DENND5B: variants seen among roughly 807,000 people sequenced by gnomAD.
The protein encoded by DENND5B is DENN domain-containing protein 5B.
Under a neutral mutation model 140.6 loss-of-function variants are expected in DENND5B, and 34 were observed. The ratio of observed to expected loss-of-function variants is 0.24; its 90% confidence interval spans 0.18 to 0.32. DENND5B has a LOEUF of 0.32. DENND5B is among the 10% of genes least tolerant of loss of function. The pLI, the probability that DENND5B is intolerant of heterozygous loss-of-function variation, is 1.00. For synonymous variants in DENND5B, 551 were observed against 562.1 expected, an observed-to-expected ratio of 0.98 and a Z score of 0.28; for missense variants, 1,142 against 1,560.2, an observed-to-expected ratio of 0.73 and a Z score of 4.52.
At chr12:31,410,769 T>C (rs1942405849) in intron 13 of DENND5B, among the ~76,000 whole-genome samples, 1 of 152,168 alleles carries the variant, frequency 6.6e-6, no homozygotes, top group Admixed American at 6.6e-5. Context: ...TCCGAGGTCA[T>C]TCAAACACTA....
intron 1 of DENND5B, among the ~76,000 whole-genome samples, chr12:31,508,116 A>C (rs564757540): frequency 6.6e-6 from 1 of 152,286 alleles, no homozygotes; most frequent in African/African-American, 2.4e-5. Context: ...AAAGAAAGTA[A>C]CTCAACATTA....
intron 1 of DENND5B, among the ~76,000 whole-genome samples, chr12:31,528,323 C>T (rs1348297133): frequency 2.6e-5 from 4 of 152,238 alleles, no homozygotes; most frequent in African/African-American, 4.8e-5. Flanking sequence ...TCACTTCCTC[C>T]TGCGTGTGTC....
intron 7 of DENND5B, among the ~76,000 whole-genome samples, chr12:31,437,663 C>A (rs116850159): frequency 0.019 from 2,945 of 152,152 alleles, 52 homozygotes; most frequent in South Asian, 0.043. Context: ...AATTGCAGAT[C>A]GTACAACCAA....
chr12:31,582,643 A>G (rs1463708226), intron 1 of DENND5B, among the ~76,000 whole-genome samples: 1 of 152,260 alleles, frequency 6.6e-6, no homozygotes, highest in Non-Finnish European at 1.5e-5. Context: ...TGATGAATGA[A>G]TGAGGAAATG....
In DENND5B at chr12:31,392,352, C is replaced by A; in HGVS notation, c.3381G>T (p.Leu1127=). 1 of 1,613,734 alleles carries A rather than the reference C, an allele frequency of 6.2e-7. No individual in the cohort carries two copies. The highest frequency in any genetic ancestry group is 1.1e-5 in the South Asian group (1 of 91,062). The change falls in exon 19 of 21, where the codon CTG becomes CTT. Residue 1127 remains leucine (L), a synonymous_variant. Coordinates refer to ENST00000389082, the MANE Select transcript of DENND5B (RefSeq NM_144973.4). Reference sequence around the variant, plus strand: ...GGAAAACTTGCTCAAGGGCTGCAACCAGGCCATTTTCTCCACACAGCAACA... The same window carrying A: ...GGAAAACTTGCTCAAGGGCTGCAACAAGGCCATTTTCTCCACACAGCAACA... The part of the protein sequence containing the change: ...LTVLLCGENG[L]VAALEQVFHH...
intron 1 of DENND5B, among the ~76,000 whole-genome samples, chr12:31,519,127 C>G (rs778932104): frequency 6.6e-6 from 1 of 152,162 alleles, no homozygotes; most frequent in Non-Finnish European, 1.5e-5. Context: ...AAAGGAGATA[C>G]GGAAGACAAA....
At chr12:31,514,817 G>A (rs868464080) in intron 1 of DENND5B, among the ~76,000 whole-genome samples, 9 of 119,926 alleles carry the variant, frequency 7.5e-5, no homozygotes, top group South Asian at 5.8e-4. Context: ...GTGAGACTCC[G>A]TCTCAAAAAA....
In DENND5B at chr12:31,436,399, T is replaced by A. The variant is rs2682688; in HGVS notation, c.2013-3151A>T. 4.0e-4 allele frequency among the ~76,000 whole-genome samples: 61 copies of A among 152,110 alleles called. 2 individuals carry two copies. In the East Asian group the frequency reaches 0.01, roughly 26 times the overall value. On this transcript the variant is annotated intron_variant, in intron 7 of 20. Transcript: ENST00000389082. Reference sequence around the variant, plus strand: ...TACAGGCATGAGCTACCGTGCCCAATCCTAAAAATCCTCTTGATGAAGCCA... The same window carrying A: ...TACAGGCATGAGCTACCGTGCCCAAACCTAAAAATCCTCTTGATGAAGCCA...
intron 4 of DENND5B, among the ~76,000 whole-genome samples, chr12:31,457,146 G>C (rs1944812987): frequency 6.6e-6 from 1 of 152,216 alleles, no homozygotes; most frequent in East Asian, 1.9e-4. Context: ...TGCAAAAGCA[G>C]CTCTGTTTCA....
At chr12:31,573,598 C>A (rs984911032) in intron 1 of DENND5B, among the ~76,000 whole-genome samples, 2 of 152,280 alleles carry the variant, frequency 1.3e-5, no homozygotes, top group Non-Finnish European at 1.5e-5. Context: ...AATGTAATTT[C>A]GTTCAATATT....
chr12:31,540,997 C>A (rs1410814795), intron 1 of DENND5B: 3 of 454,726 alleles, frequency 6.6e-6, no homozygotes, highest in Non-Finnish European at 8.8e-6. Flanking sequence ...AACTGGATAT[C>A]TTTACGCAGA....
At chr12:31,418,777 G>A (rs2137643675) in intron 11 of DENND5B, among the ~76,000 whole-genome samples, 1 of 152,100 alleles carries the variant, frequency 6.6e-6, no homozygotes, top group South Asian at 2.1e-4. Context: ...AAGTAATCAT[G>A]CCTCTTAAAC....
At chr12:31,474,509 T>C (rs542473187) in intron 3 of DENND5B, among the ~76,000 whole-genome samples, 1 of 152,324 alleles carries the variant, frequency 6.6e-6, no homozygotes, top group South Asian at 2.1e-4. Flanking sequence ...GACAGTGATA[T>C]ATGCATTTCC....
At position 31,387,713 on chromosome 12, in the gene DENND5B, C is replaced by T. The variant is rs747314854; in HGVS notation, c.3715G>A (p.Ala1239Thr). Residue 1239 changes from alanine to threonine, a missense_variant, in exon 21 of 21, where the codon GCT becomes ACT. By Grantham distance (58) the Ala-to-Thr change is moderately conservative. This residue lies in a region of DENND5B where 125 missense variants were observed against 179.0 expected (regional missense o/e 0.70). Transcript: ENST00000389082. The stretch of plus-strand genomic sequence containing the variant: ...ACAGTCATGCGGTCTCGCAGGAGAG[C>T]GCTCTCTTCATACATTCGAGTGATG... ...PAITRMYEES[A>T]LLRDRMTVNS... is the part of the protein sequence containing the mutation. 6.2e-7 allele frequency: 1 copy of T among 1,614,030 alleles called. No individual in the cohort carries two copies. Among genetic ancestry groups the T allele is most frequent in the Non-Finnish European group, 8.5e-7 (1 of 1,179,902 alleles).
intron 1 of DENND5B, among the ~76,000 whole-genome samples, chr12:31,586,463 A>C (rs1389601437): frequency 2.0e-5 from 3 of 152,264 alleles, no homozygotes; most frequent in Non-Finnish European, 4.4e-5. Flanking sequence ...ACATGTGGAC[A>C]TCACCATAAA....
intron 7 of DENND5B, among the ~76,000 whole-genome samples, chr12:31,436,241 AG>A (rs987471481): frequency 2.0e-5 from 3 of 151,956 alleles, no homozygotes; most frequent in African/African-American, 7.3e-5. Context: ...CTGGGACTAC[AG>A]GTATGTGCCA....
chr12:31,538,330 T>G (rs534339692), intron 1 of DENND5B, among the ~76,000 whole-genome samples: 1 of 152,056 alleles, frequency 6.6e-6, no homozygotes, highest in Non-Finnish European at 1.5e-5. Context: ...CTGACCACAA[T>G]AGAATAAAAC....
chr12:31,512,832 AC>A (rs1947481600), intron 1 of DENND5B, among the ~76,000 whole-genome samples: 1 of 152,056 alleles, frequency 6.6e-6, no homozygotes, highest in South Asian at 2.1e-4. Context: ...TAAAGTTTCC[AC>A]ATACCCTAAA....
In DENND5B at chr12:31,384,549, C is replaced by A. The variant is rs1340281971; in HGVS notation, c.*3054G>T. The A allele has an allele frequency of 1.3e-5, 2 of 152,084 alleles. No individual in the cohort carries two copies. Among genetic ancestry groups the A allele is most frequent in the African/African-American group, 2.4e-5 (1 of 41,396 alleles). 9.4% of individuals were successfully genotyped at this position (152,084 alleles called of 1,614,324 possible). ...ATGTTTATAGCACAGGCTGTATCAA[C>A]GGAATAAGTACATGGGCTCACAAGG... On this transcript the variant is annotated 3_prime_UTR_variant, in exon 21 of 21. Coordinates refer to ENST00000389082, the MANE Select transcript of DENND5B (RefSeq NM_144973.4).
Sources: allele counts gnomAD v4.1 joint callset (sites outside exome capture counted in the v4.1 genomes callset), GRCh38; gene constraint gnomAD v4.1.1; regional missense constraint gnomAD v4.1.1; transcripts MANE v1.5; gene names NCBI Gene and HGNC (gene_info 2026-07-23, HGNC 2026-07-21).